ABL1: variants seen among roughly 807,000 people sequenced by gnomAD.
ABL1 encodes the protein ABL proto-oncogene 1, non-receptor tyrosine kinase.
ABL1 carries 11 observed loss-of-function variants against 94.7 expected under a neutral mutation model. The ratio of observed to expected loss-of-function variants is 0.12; its 90% CI spans 0.07 to 0.19. The LOEUF is 0.19. Among genes scored for constraint, ABL1 ranks in the 10% least tolerant of loss-of-function variants. ABL1 has a pLI of 1.00. For missense variants in ABL1, 1,082 were observed against 1,489.4 expected (o/e 0.73, Z 4.50); for synonymous variants, 656 against 622.4 (o/e 1.05, Z -0.80).
At chr9:130,835,157 G>T (rs1830544802), upstream of ABL1, 2 of 209,264 alleles carry the variant, frequency 9.6e-6, no homozygotes, top group South Asian at 5.0e-5. This position sits in a 1 kb window ranked among gnomAD's most constrained non-coding sequence, Gnocchi z 4.6. Flanking sequence ...GAACGCCAGG[G>T]GCCCCTGGGT....
Position 130,886,018 on chromosome 9 carries a change from C to T in ABL1, c.*335C>T, listed in dbSNP as rs35750093. ...CTGAGCTCTCCAGGCCAGGTGGGAA[C>T]GGCTGATGTGGACTGTCTTTTTCAT... is the stretch of plus-strand genomic sequence containing the variant. On this transcript the variant is annotated 3_prime_UTR_variant, in exon 11 of 11. Transcript: ENST00000318560. 3.6e-4 allele frequency: 116 copies of T among 326,126 alleles called. 1 individual carries two copies. Among genetic ancestry groups the T allele is most frequent in the African/African-American group, 1.9e-3 (91 of 48,228 alleles). The allele number at this position is 326,126 out of a possible 1,614,324, so 20.2% of individuals were successfully genotyped here.
At chr9:130,767,628 C>T (rs113487221) in intron 1 of ABL1, among the ~76,000 whole-genome samples, 8 of 152,176 alleles carry the variant, frequency 5.3e-5, no homozygotes, top group African/African-American at 7.2e-5. Context: ...CCACTGTGCC[C>T]GGCCTGACCT....
intron 1 of ABL1, among the ~76,000 whole-genome samples, chr9:130,733,674 G>A (rs1405567658): frequency 2.7e-5 from 4 of 148,338 alleles, no homozygotes; most frequent in Admixed American, 6.9e-5. Flanking sequence ...CGCCACCTGG[G>A]TTCACACCAT....
intron 1 of ABL1, among the ~76,000 whole-genome samples, chr9:130,786,365 G>C (rs959737236): frequency 6.6e-6 from 1 of 152,200 alleles, no homozygotes; most frequent in Non-Finnish European, 1.5e-5. Context: ...CAGGGGAGAC[G>C]GAAACAGCTT....
In ABL1 at chr9:130,887,188, C is replaced by G; in HGVS notation, c.*1505C>G. 4.3e-6 allele frequency: 1 copy of G among 233,282 alleles called. No homozygotes were observed. Among genetic ancestry groups the G allele is most frequent in the Non-Finnish European group, 8.5e-6 (1 of 118,020 alleles). 14.5% of individuals were successfully genotyped at this position (233,282 alleles called of 1,614,324 possible). On this transcript the variant is annotated 3_prime_UTR_variant, in exon 11 of 11. Coordinates refer to ENST00000318560, the MANE Select transcript of ABL1 (RefSeq NM_005157.6). ...CCCACCCCTTCATACCGCCTCGTGCCAGCAGCCTCGCACAGGCCCTAGCTT... is the reference window on the plus strand; with the variant it reads ...CCCACCCCTTCATACCGCCTCGTGCGAGCAGCCTCGCACAGGCCCTAGCTT...
At chr9:130,797,229 C>G (rs544161861) in intron 1 of ABL1, among the ~76,000 whole-genome samples, 1 of 99,712 alleles carries the variant, frequency 1.0e-5, no homozygotes, top group Non-Finnish European at 1.8e-5. Context: ...GAGTGAGACT[C>G]CATCTCGAAA....
intron 1 of ABL1, among the ~76,000 whole-genome samples, chr9:130,775,396 AAAC>A (rs753886727): frequency 3.5e-4 from 54 of 152,372 alleles, no homozygotes; most frequent in Admixed American, 1.9e-3. Flanking sequence ...GTGAAATAGA[AAAC>A]AAGTAAGGAC....
intron 1 of ABL1, among the ~76,000 whole-genome samples, chr9:130,802,512 CA>C (rs1830069322): frequency 6.6e-6 from 1 of 152,066 alleles, no homozygotes; most frequent in Non-Finnish European, 1.5e-5. Flanking sequence ...TTTTTTATTT[CA>C]AAAAGTTAAT....
chr9:130,834,824 A>G, upstream of ABL1: 1 of 452,322 alleles, frequency 2.2e-6, no homozygotes, highest in South Asian at 1.6e-5. Context: ...TTGAGTAGAA[A>G]TGAGACCAGT....
chr9:130,713,071 T>G (rs1439645440), exon 1 of ABL1, among the ~76,000 whole-genome samples: 1 of 152,034 alleles, frequency 6.6e-6, no homozygotes, highest in Admixed American at 6.5e-5. Context: ...CGGGGTTTGG[T>G]GTCTGTGCCT....
In ABL1 at chr9:130,885,735, C is replaced by G. The variant is rs776975973; in HGVS notation, c.*52C>G. On this transcript the variant is annotated 3_prime_UTR_variant, in exon 11 of 11. Coordinates refer to ENST00000318560, the MANE Select transcript of ABL1 (RefSeq NM_005157.6). ...CCGTCGGAGCTGCCTGCAGCACATG[C>G]GGGCTCGCCCATACCCGTGACAGTG... is the stretch of plus-strand genomic sequence containing the variant. The G allele has an allele frequency of 1.3e-6, 2 of 1,559,918 alleles. No individual in the cohort carries two copies. The highest frequency in any genetic ancestry group is 2.7e-5 in the African/African-American group (2 of 73,834).
At chr9:130,878,627 T>G (rs1194376184) in intron 8 of ABL1, 60 bp downstream of exon 8, 5 of 1,582,650 alleles carry the variant, frequency 3.2e-6, no homozygotes, top group Non-Finnish European at 4.3e-6. Flanking sequence ...AATTCAACTG[T>G]GCAGGAGTGT....
In ABL1 at chr9:130,866,713, T is replaced by G. The variant is rs115139902; in HGVS notation, c.822+3678T>G. On this transcript the variant is annotated intron_variant, in intron 4 of 10. Transcript: ENST00000318560. ...GACCCCTGCAGATGGGAAGCTGGAATTACAGCAAAGGCTCATTGATTGGGA... is the reference window on the plus strand; with the variant it reads ...GACCCCTGCAGATGGGAAGCTGGAAGTACAGCAAAGGCTCATTGATTGGGA... Among the ~76,000 whole-genome samples, 1,198 of 152,292 alleles carry G rather than the reference T, an allele frequency of 7.9e-3. 22 individuals are homozygous for G. Among genetic ancestry groups the G allele is most frequent in the African/African-American group, 0.027 (1,136 of 41,544 alleles).
At chr9:130,767,828 C>T (rs2132761955) in intron 1 of ABL1, among the ~76,000 whole-genome samples, 1 of 152,278 alleles carries the variant, frequency 6.6e-6, no homozygotes. Context: ...GAAATGGCCA[C>T]CTGCATTTGA....
intron 1 of ABL1, among the ~76,000 whole-genome samples, chr9:130,775,438 T>C (rs1269084117): frequency 1.3e-5 from 2 of 151,834 alleles, no homozygotes; most frequent in South Asian, 2.1e-4. Context: ...AATCAAATAA[T>C]TGAAAAAGAA....
At chr9:130,797,875 T>G (rs1483536324) in intron 1 of ABL1, among the ~76,000 whole-genome samples, 1 of 152,180 alleles carries the variant, frequency 6.6e-6, no homozygotes, top group African/African-American at 2.4e-5. Context: ...TATTTCTGTT[T>G]CCAAGAACAC....
chr9:130,869,284 C>G (rs914991994), intron 4 of ABL1, among the ~76,000 whole-genome samples: 6 of 152,194 alleles, frequency 3.9e-5, no homozygotes, highest in Middle Eastern at 3.2e-3. Flanking sequence ...GCTATCTGTT[C>G]GGTCTACTCA....
rs35900923 is a variant in ABL1, at chr9:130,885,260, G to T, written c.2970G>T (p.Ser990=). 3 of 1,613,802 alleles carry T rather than the reference G, an allele frequency of 1.9e-6. No individual in the cohort carries two copies. The highest frequency in any genetic ancestry group is 2.5e-6 in the Non-Finnish European group (3 of 1,180,018). ...PVPSTLPSAS[S]ALAGDQPSST... ...CCTCCACGTTGCCATCAGCATCCTCGGCCCTGGCAGGGGACCAGCCGTCTT... is the reference window on the plus strand; with the variant it reads ...CCTCCACGTTGCCATCAGCATCCTCTGCCCTGGCAGGGGACCAGCCGTCTT... The change falls in exon 11 of 11, where the codon TCG becomes TCT. Residue 990 remains serine (S), a synonymous_variant. Transcript: ENST00000318560.
At chr9:130,732,790 T>C (rs1380433265) in intron 1 of ABL1, among the ~76,000 whole-genome samples, 2 of 145,890 alleles carry the variant, frequency 1.4e-5, no homozygotes, top group Non-Finnish European at 3.0e-5. Context: ...TTTTTTTTTT[T>C]CACTGTGTCC....
Sources: allele counts gnomAD v4.1 joint callset (sites outside exome capture counted in the v4.1 genomes callset), GRCh38; gene constraint gnomAD v4.1.1; non-coding constraint Gnocchi (gnomAD v3.1); transcripts MANE v1.5; gene names NCBI Gene and HGNC (gene_info 2026-07-23, HGNC 2026-07-21).